BMP3: variants seen among roughly 807,000 people sequenced by gnomAD.
BMP3 encodes the protein bone morphogenetic protein 3 (osteogenic).
BMP3 carries 23 observed loss-of-function variants against 38.1 expected under a neutral mutation model. The observed-to-expected ratio is 0.60, with a 90% confidence interval of 0.43 to 0.86. The LOEUF is 0.86. Among genes scored for constraint, BMP3 ranks in the 40% least tolerant of loss-of-function variants. BMP3 has a pLI of 0.00. For synonymous variants in BMP3, 258 were observed against 225.7 expected (o/e 1.14, Z -1.28); for missense variants, 628 against 579.6 (o/e 1.08, Z -0.86).
At chr4:81,035,916 G>A (rs1739910736) in intron 1 of BMP3, among the ~76,000 whole-genome samples, 2 of 151,834 alleles carry the variant, frequency 1.3e-5, no homozygotes, top group African/African-American at 4.8e-5. Context: ...TGTCTAGTTG[G>A]GAAAACAGTG....
intron 1 of BMP3, among the ~76,000 whole-genome samples, chr4:81,033,934 G>A (rs2109901170): frequency 6.6e-6 from 1 of 152,316 alleles, no homozygotes; most frequent in African/African-American, 2.4e-5. Context: ...TTTAATGGAA[G>A]ATCAGGTGGT....
rs1560508986 is a variant in BMP3 at position 81,031,482 on chromosome 4, G to A, written c.198G>A (p.Arg66=). 1 of 1,613,210 alleles carries A rather than the reference G, an allele frequency of 6.2e-7. No individual in the cohort carries two copies. Among genetic ancestry groups the A allele is most frequent in the South Asian group, 1.1e-5 (1 of 90,904 alleles). ...VSEHMLRLYD[R]YSTVQAARTP... is the part of the protein sequence containing the mutation. ...AACACATGCTGCGGCTCTATGACAGGTACAGCACGGTCCAGGCGGCCCGGA... is the reference window on the plus strand; with the variant it reads ...AACACATGCTGCGGCTCTATGACAGATACAGCACGGTCCAGGCGGCCCGGA... Residue 66 remains arginine, a synonymous_variant, in exon 1 of 3, where the codon AGG becomes AGA. Coordinates refer to ENST00000282701, the MANE Select transcript of BMP3 (RefSeq NM_001201.5).
intron 2 of BMP3, 131 bp from the exon 3 acceptor site, chr4:81,053,214 A>G (rs557249748): frequency 6.0e-4 from 368 of 613,390 alleles, no homozygotes; most frequent in Non-Finnish European, 4.6e-4. Flanking sequence ...GGCTTAATGT[A>G]TAATGATGCC....
chr4:81,039,059 T>G (rs1177393746), intron 1 of BMP3, among the ~76,000 whole-genome samples: 1 of 152,190 alleles, frequency 6.6e-6, no homozygotes, highest in Non-Finnish European at 1.5e-5. Context: ...AGAAACACAA[T>G]TCTATGACTT....
At chr4:81,043,589 A>ATTT (rs1560511859) in intron 1 of BMP3, among the ~76,000 whole-genome samples, 1 of 18,666 alleles carries the variant, frequency 5.4e-5, no homozygotes, top group Non-Finnish European at 1.5e-4. Context: ...AGCATACTAC[A>ATTT]ATTTTTTTTT....
At chr4:81,043,212 C>T (rs1207590661) in intron 1 of BMP3, among the ~76,000 whole-genome samples, 1 of 152,166 alleles carries the variant, frequency 6.6e-6, no homozygotes, top group Non-Finnish European at 1.5e-5. Context: ...TGGAGAAGGG[C>T]TTAGGCTCTG....
In BMP3 at chr4:81,045,762, A is replaced by AT; in HGVS notation, c.342dup (p.Ile115TyrfsTer11). ...GAAACTCTTGAAAGAAAAGGACTGT[A>AT]TATCTTCAATCTGACATCGCTAACC... On this transcript the variant is annotated frameshift_variant, in exon 2 of 3. Coordinates refer to ENST00000282701, the MANE Select transcript of BMP3 (RefSeq NM_001201.5). LOFTEE classifies it high-confidence loss of function. 1 of 1,608,900 alleles carries AT rather than the reference A, an allele frequency of 6.2e-7. No individual in the cohort carries two copies. Among genetic ancestry groups the AT allele is most frequent in the Non-Finnish European group, 8.5e-7 (1 of 1,178,042 alleles).
At chr4:81,050,512 T>C in intron 2 of BMP3, among the ~76,000 whole-genome samples, 1 of 152,052 alleles carries the variant, frequency 6.6e-6, no homozygotes, top group East Asian at 1.9e-4. Context: ...GAGAAGTTAG[T>C]TTTGCTTTTT....
At chr4:81,035,687 T>C (rs1447265334) in intron 1 of BMP3, among the ~76,000 whole-genome samples, 1 of 152,118 alleles carries the variant, frequency 6.6e-6, no homozygotes, top group Non-Finnish European at 1.5e-5. Context: ...TTATTTTTAA[T>C]AGCCAAATCT....
In BMP3 at chr4:81,054,883, C is replaced by T. The variant is rs942627466; in HGVS notation, c.*1347C>T. 2 of 152,168 alleles carry T rather than the reference C, an allele frequency of 1.3e-5. No individual in the cohort carries two copies. The highest frequency in any genetic ancestry group is 2.9e-5 in the Non-Finnish European group (2 of 68,018). 9.4% of individuals were successfully genotyped at this position (152,168 alleles called of 1,614,324 possible). Reference sequence around the variant, plus strand: ...TTGGTGTTAATCTGTGGTTAATCCTCATTTTAGTTCCGTCTTATCTGATAC... The same window carrying T: ...TTGGTGTTAATCTGTGGTTAATCCTTATTTTAGTTCCGTCTTATCTGATAC... On this transcript the variant is annotated 3_prime_UTR_variant, in exon 3 of 3. Coordinates refer to ENST00000282701, the MANE Select transcript of BMP3 (RefSeq NM_001201.5).
At chr4:81,043,283 T>C (rs1174218688) in intron 1 of BMP3, among the ~76,000 whole-genome samples, 1 of 152,176 alleles carries the variant, frequency 6.6e-6, no homozygotes, top group East Asian at 1.9e-4. Context: ...GATCTCGGTT[T>C]ATGAGCTAAA....
chr4:81,031,609 G>A lies in BMP3; in HGVS notation c.316+9G>A, dbSNP rs1366434228. 1 of 1,574,968 alleles carries A rather than the reference G, an allele frequency of 6.3e-7. No homozygotes were observed. The highest frequency in any genetic ancestry group is 8.6e-7 in the Non-Finnish European group (1 of 1,162,928). Reference sequence around the variant, plus strand: ...TCGGGCGGCAGCAGCAGGTGAGTGCGCGAGGTGAGACTCCCTTCCCGCGGT... The same window carrying A: ...TCGGGCGGCAGCAGCAGGTGAGTGCACGAGGTGAGACTCCCTTCCCGCGGT... On this transcript the variant is annotated intron_variant, in intron 1 of 2. Transcript: ENST00000282701.
At chr4:81,047,549 C>A (rs867927076) in intron 2 of BMP3, among the ~76,000 whole-genome samples, 111 of 147,216 alleles carry the variant, frequency 7.5e-4, no homozygotes, top group Non-Finnish European at 1.0e-3. Context: ...TCTGTTATAC[C>A]AAAAAAAAAA....
At chr4:81,045,230 T>C (rs1740197476) in intron 1 of BMP3, among the ~76,000 whole-genome samples, 2 of 152,216 alleles carry the variant, frequency 1.3e-5, no homozygotes, top group African/African-American at 4.8e-5. Flanking sequence ...CATCTTGTCA[T>C]GTGCTTCTTG....
chr4:81,055,946 C>G lies in BMP3; in HGVS notation c.*2410C>G, dbSNP rs1365446882. 1 of 152,088 alleles carries G rather than the reference C, an allele frequency of 6.6e-6. No homozygotes were observed. Among genetic ancestry groups the G allele is most frequent in the African/African-American group, 2.4e-5 (1 of 41,414 alleles). 9.4% of individuals were successfully genotyped at this position (152,088 alleles called of 1,614,324 possible). ...TGGGTGCTTTGTAACTATCATTTTACTAATGAATTGAGGATGTATTATGGT... is the reference window on the plus strand; with the variant it reads ...TGGGTGCTTTGTAACTATCATTTTAGTAATGAATTGAGGATGTATTATGGT... On this transcript the variant is annotated 3_prime_UTR_variant, in exon 3 of 3. Coordinates refer to ENST00000282701, the MANE Select transcript of BMP3 (RefSeq NM_001201.5).
In BMP3 at chr4:81,050,256, G is replaced by A. The variant is rs968120258; in HGVS notation, c.1228-3089G>A. Among the ~76,000 whole-genome samples, 5 of 152,272 alleles carry A rather than the reference G, an allele frequency of 3.3e-5. No individual in the cohort carries two copies. In the East Asian group the frequency reaches 5.8e-4, roughly 18 times the overall value. On this transcript the variant is annotated intron_variant, in intron 2 of 2. Coordinates refer to ENST00000282701, the MANE Select transcript of BMP3 (RefSeq NM_001201.5). ...CGAGGACATCATACACGGCTTGGCAGGTGCAGGCCTGACCATTGTAGATTT... is the reference window on the plus strand; with the variant it reads ...CGAGGACATCATACACGGCTTGGCAAGTGCAGGCCTGACCATTGTAGATTT...
rs1055343198 is a variant in BMP3 at position 81,053,712 on chromosome 4, C to T, written c.*176C>T. 9 of 409,070 alleles carry T rather than the reference C, an allele frequency of 2.2e-5. No individual in the cohort carries two copies. The highest frequency in any genetic ancestry group is 3.7e-5 in the Non-Finnish European group (9 of 245,804). The allele number at this position is 409,070 out of a possible 1,614,324, so 25.3% of individuals were successfully genotyped here. A position where few individuals can be genotyped will look rare whatever the true frequency, so the allele number is the denominator to read the frequency against. ...TGAAGATTGCCACCAAGGAAAAGAA[C>T]TGTATTTGTTTCTGAATGTAACTTA... On this transcript the variant is annotated 3_prime_UTR_variant, in exon 3 of 3. Coordinates refer to ENST00000282701, the MANE Select transcript of BMP3 (RefSeq NM_001201.5).
chr4:81,031,043 G>T lies in BMP3; in HGVS notation c.-242G>T, dbSNP rs941956758. Reference sequence around the variant, plus strand: ...CGTTGGAGTGGAGACGGCGCCCGCAGCGCCCTGCGCGGGTGAGGTCCGCGC... The same window carrying T: ...CGTTGGAGTGGAGACGGCGCCCGCATCGCCCTGCGCGGGTGAGGTCCGCGC... On this transcript the variant is annotated 5_prime_UTR_variant, in exon 1 of 3. Transcript: ENST00000282701. The T allele has an allele frequency of 1.9e-6, 1 of 513,306 alleles. No individual in the cohort carries two copies. The highest frequency in any genetic ancestry group is 3.5e-5 in the East Asian group (1 of 28,946). 31.8% of individuals were successfully genotyped at this position (513,306 alleles called of 1,614,324 possible).
rs1198535511 is a variant in BMP3 at position 81,046,132 on chromosome 4, G to A, written c.711G>A (p.Glu237=). The A allele has an allele frequency of 6.2e-7, 1 of 1,614,132 alleles. No individual in the cohort carries two copies. The highest frequency in any genetic ancestry group is 2.2e-5 in the East Asian group (1 of 44,880). The change falls in exon 2 of 3, where the codon GAG becomes GAA. Residue 237 remains glutamate, a synonymous_variant. Coordinates refer to ENST00000282701, the MANE Select transcript of BMP3 (RefSeq NM_001201.5). ...CAAAGAGGAGGTTACCTTTTCCAGA[G>A]CCTTATATCTTGGTATATGCCAATG... The part of the protein sequence containing the change: ...QLPKRRLPFP[E]PYILVYANDA...
Sources: gnomAD v4.1 joint callset for allele counts (sites outside exome capture counted in the v4.1 genomes callset) on GRCh38, gnomAD v4.1.1 for gene constraint, MANE v1.5 for transcripts, NCBI Gene and HGNC (gene_info 2026-07-23, HGNC 2026-07-21) for gene names.